The following SPMAP2L variants were observed in gnomAD, a reference collection of about 807,000 sequenced individuals.
SPMAP2L encodes sperm microtubule associated protein 2-like.
the SPMAP2L span, among the ~76,000 whole-genome samples, chr4:56,533,876 C>T: frequency 7.9e-5 from 12 of 152,112 alleles, no homozygotes; most frequent in Middle Eastern, 6.8e-3. Context: ...ACCTCAGACT[C>T]AGCAGTTTGA....
At chr4:56,617,489 T>C in the SPMAP2L span, among the ~76,000 whole-genome samples, 2 of 152,050 alleles carry the variant, frequency 1.3e-5, no homozygotes, top group Non-Finnish European at 2.9e-5. Flanking sequence ...AGGGCATGCA[T>C]TGGGGGTGTG....
the SPMAP2L span, among the ~76,000 whole-genome samples, chr4:56,612,684 C>T: frequency 6.6e-6 from 1 of 152,066 alleles, no homozygotes; most frequent in Non-Finnish European, 1.5e-5. Context: ...TCTCCTACCT[C>T]AGCCTCCCAA....
chr4:56,585,372 G>T, the SPMAP2L span, among the ~76,000 whole-genome samples: 1 of 152,008 alleles, frequency 6.6e-6, no homozygotes, highest in Non-Finnish European at 1.5e-5. Context: ...TTTAAGACAA[G>T]GTCCCACTCT....
the SPMAP2L span, among the ~76,000 whole-genome samples, chr4:56,556,842 T>G: frequency 6.6e-6 from 1 of 151,236 alleles, no homozygotes; most frequent in South Asian, 2.1e-4. Flanking sequence ...GCCACTGCAA[T>G]CCAGCCTGGG....
the SPMAP2L span, chr4:56,575,768 G>T: frequency 1.1e-6 from 1 of 886,862 alleles, no homozygotes; most frequent in East Asian, 2.7e-5. Flanking sequence ...AAAGCATCAG[G>T]TAAAAAATCA....
chr4:56,554,937 CTTTTT>C, the SPMAP2L span, among the ~76,000 whole-genome samples: 1 of 93,432 alleles, frequency 1.1e-5, no homozygotes. Context: ...ACTATCATTT[CTTTTT>C]TTTTTTTTTT....
At chr4:56,544,372 C>CT in the SPMAP2L span, among the ~76,000 whole-genome samples, 1 of 152,122 alleles carries the variant, frequency 6.6e-6, no homozygotes, top group Non-Finnish European at 1.5e-5. Flanking sequence ...CTTTTAAGAG[C>CT]TTGCATATAC....
the SPMAP2L span, chr4:56,594,286 T>C: frequency 3.2e-6 from 5 of 1,560,310 alleles, no homozygotes; most frequent in Non-Finnish European, 4.4e-6. Context: ...AACTGGAAAA[T>C]AAAGACATTT....
the SPMAP2L span, among the ~76,000 whole-genome samples, chr4:56,592,473 G>C: frequency 6.6e-6 from 1 of 152,244 alleles, no homozygotes; most frequent in African/African-American, 2.4e-5. Context: ...AACTTTGCGC[G>C]AGTGTCTTGG....
chr4:56,594,441 T>C, the SPMAP2L span: 42 of 1,604,830 alleles, frequency 2.6e-5, 2 homozygotes, highest in South Asian at 4.6e-4. Context: ...CAGCAGCTTT[T>C]CTGAGAGCTT....
chr4:56,598,500 G>T, the SPMAP2L span, among the ~76,000 whole-genome samples: 6 of 152,210 alleles, frequency 3.9e-5, no homozygotes, highest in South Asian at 1.3e-3. Context: ...AGGCTGACTT[G>T]TCTTGCCTGG....
chr4:56,593,662 C>T, the SPMAP2L span: 30 of 1,603,872 alleles, frequency 1.9e-5, no homozygotes, highest in South Asian at 4.4e-5. Flanking sequence ...CATTTTTTGC[C>T]GTCCGAGAAA....
the SPMAP2L span, among the ~76,000 whole-genome samples, chr4:56,543,973 TGAGAGAGAGAGA>T: frequency 2.3e-4 from 29 of 127,192 alleles, 1 homozygote; most frequent in African/African-American, 3.7e-4. Context: ...TGTGTGTATG[TGAGAGAGAGAGA>T]GAGAGAGAGA....
At chr4:56,559,849 G>C in the SPMAP2L span, among the ~76,000 whole-genome samples, 1 of 152,286 alleles carries the variant, frequency 6.6e-6, no homozygotes, top group East Asian at 1.9e-4. Context: ...TTACAGGCAT[G>C]AGCCACCACA....
the SPMAP2L span, among the ~76,000 whole-genome samples, chr4:56,586,129 G>C: frequency 6.6e-6 from 1 of 152,298 alleles, no homozygotes; most frequent in African/African-American, 2.4e-5. Context: ...GTCTGAAATG[G>C]TGGGGGGCTG....
the SPMAP2L span, among the ~76,000 whole-genome samples, chr4:56,621,634 G>A: frequency 3.3e-5 from 5 of 152,078 alleles, no homozygotes; most frequent in Non-Finnish European, 5.9e-5. Flanking sequence ...AATTAGAATT[G>A]AAAATAATAT....
chr4:56,617,847 G>A, the SPMAP2L span, among the ~76,000 whole-genome samples: 1 of 152,166 alleles, frequency 6.6e-6, no homozygotes, highest in Non-Finnish European at 1.5e-5. Flanking sequence ...GAGCCAGAAG[G>A]GAGATGGTTT....
chr4:56,618,572 C>T, the SPMAP2L span, among the ~76,000 whole-genome samples: 2 of 152,128 alleles, frequency 1.3e-5, no homozygotes, highest in Non-Finnish European at 2.9e-5. Context: ...AAAAGCCCCT[C>T]ATATAACCAT....
At chr4:56,593,400 C>G in the SPMAP2L span, 1 of 1,348,682 alleles carries the variant, frequency 7.4e-7, no homozygotes, top group South Asian at 1.2e-5. Flanking sequence ...TGAAGTTACC[C>G]TGTGAAATGG....
Sources: allele counts gnomAD v4.1 joint callset (sites outside exome capture counted in the v4.1 genomes callset), GRCh38; gene constraint gnomAD v4.1.1; transcripts MANE v1.5; gene names NCBI Gene and HGNC (gene_info 2026-07-23, HGNC 2026-07-21).